Variants in LIFR observed in about 807,000 individuals in gnomAD.
The protein encoded by LIFR is LIF receptor subunit alpha, also known as leukemia inhibitory factor receptor.
In LIFR, 84 loss-of-function variants were observed where a neutral mutation model predicts 122.2. That is an observed-to-expected ratio of 0.69 (90% CI 0.58 to 0.82). The LOEUF (loss-of-function observed/expected upper bound fraction) is 0.82. Ranked by LOEUF, LIFR falls within the 40% of genes least tolerant of loss-of-function variation. The pLI is 0.00. For synonymous variants in LIFR, 422 were observed against 434.7 expected, an observed-to-expected ratio of 0.97 and a Z score of 0.36; for missense variants, 1,294 against 1,311.6, an observed-to-expected ratio of 0.99 and a Z score of 0.21.
chr5:38,573,588 C>T lies in LIFR; in HGVS notation c.-20+21673G>A, dbSNP rs972220602. On this transcript the variant is annotated intron_variant, in intron 1 of 19. Coordinates refer to the LIFR transcript ENST00000263409. ...AGAATTTCTTTTGCCAGCGTGTTGA[C>T]CTTGTAAGTTACTGTTTATGCATTC... Among the ~76,000 whole-genome samples the T allele has an allele frequency of 3.3e-5, 5 of 152,224 alleles. No homozygotes were observed. The South Asian group carries it at 8.3e-4, about 25-fold the overall frequency.
At chr5:38,558,636 T>G (rs1326818600), upstream of LIFR, 2 of 152,128 alleles carry the variant, frequency 1.3e-5, no homozygotes, top group Non-Finnish European at 2.9e-5. Flanking sequence ...AGGAAAGAGG[T>G]TTAATTGACT....
intron 1 of LIFR, among the ~76,000 whole-genome samples, chr5:38,548,222 T>C (rs1748004121): frequency 1.3e-5 from 2 of 152,148 alleles, no homozygotes; most frequent in African/African-American, 4.8e-5. Flanking sequence ...AGAAGATATA[T>C]AGTAGCAATT....
At chr5:38,566,020 A>T (rs1345958728) in intron 1 of LIFR, among the ~76,000 whole-genome samples, 1 of 152,124 alleles carries the variant, frequency 6.6e-6, no homozygotes, top group Non-Finnish European at 1.5e-5. Context: ...ACGTATTAAG[A>T]CTCTCAAAAC....
intron 1 of LIFR, among the ~76,000 whole-genome samples, chr5:38,543,609 C>G (rs551692525): frequency 1.4e-4 from 21 of 152,192 alleles, no homozygotes; most frequent in South Asian, 2.1e-4. Flanking sequence ...CAGGAGATAT[C>G]AGACAAGATT....
chr5:38,517,856 CAAAAAAAAA>C (rs572954936), intron 5 of LIFR, among the ~76,000 whole-genome samples: 1 of 15,044 alleles, frequency 6.6e-5, no homozygotes, highest in East Asian at 5.1e-3. Context: ...GACACTGTCT[CAAAAAAAAA>C]AAAAAAAAAA....
chr5:38,478,758 T>A lies in LIFR; in HGVS notation c.*2837A>T, dbSNP rs1341015935. The stretch of plus-strand genomic sequence containing the variant: ...AAGAGAGGTAAAAATGTGTCTTACA[T>A]GAATTACTATCCCACAGATATGATG... On this transcript the variant is annotated 3_prime_UTR_variant, in exon 20 of 20. Transcript: ENST00000453190. 1 of 217,454 alleles carries A rather than the reference T, an allele frequency of 4.6e-6. No homozygotes were observed. Among genetic ancestry groups the A allele is most frequent in the African/African-American group, 2.2e-5 (1 of 44,484 alleles). The allele number at this position is 217,454 out of a possible 1,614,324, so 13.5% of individuals were successfully genotyped here.
At chr5:38,524,712 T>TAA (rs1746584575) in intron 4 of LIFR, among the ~76,000 whole-genome samples, 1 of 152,078 alleles carries the variant, frequency 6.6e-6, no homozygotes, top group African/African-American at 2.4e-5. Flanking sequence ...GATGCAGACT[T>TAA]AAAAGGAACT....
At chr5:38,563,896 T>C (rs1748919860) in intron 1 of LIFR, among the ~76,000 whole-genome samples, 1 of 152,182 alleles carries the variant, frequency 6.6e-6, no homozygotes, top group African/African-American at 2.4e-5. Flanking sequence ...CTGCCACTTC[T>C]AGTTTCAGGA....
chr5:38,589,622 G>C (rs568258328), intron 1 of LIFR, among the ~76,000 whole-genome samples: 1 of 152,002 alleles, frequency 6.6e-6, no homozygotes, highest in African/African-American at 2.4e-5. Flanking sequence ...TTAAATAATA[G>C]TATATGGAAA....
intron 1 of LIFR, among the ~76,000 whole-genome samples, chr5:38,533,695 T>C (rs1338576175): frequency 1.3e-5 from 2 of 152,104 alleles, no homozygotes; most frequent in East Asian, 1.9e-4. Flanking sequence ...TCTATATACA[T>C]AAATATGGTG....
chr5:38,597,866 G>A (rs1020754597), upstream of LIFR, among the ~76,000 whole-genome samples: 1 of 152,194 alleles, frequency 6.6e-6, no homozygotes, highest in African/African-American at 2.4e-5. Flanking sequence ...TGGTTGTTGA[G>A]TGGGGGTGCA....
At position 38,510,635 on chromosome 5, in the gene LIFR, G is replaced by T. The variant is rs1356577191; in HGVS notation, c.820C>A (p.Gln274Lys). ...ATCAGTGCTGATAACACTTTTTCTT[G>T]ACTCACACAACAAAATGTTATGTCT... ...GSDITFCCVS[Q>K]EKVLSALIGH... Residue 274 changes from glutamine (Q) to lysine (K), a missense_variant, in exon 7 of 20, where the codon CAA (glutamine) becomes AAA (lysine). Transcript: ENST00000453190. 6.2e-7 allele frequency: 1 copy of T among 1,613,880 alleles called. No homozygotes were observed. Among genetic ancestry groups the T allele is most frequent in the Non-Finnish European group, 8.5e-7 (1 of 1,179,896 alleles).
chr5:38,492,998 C>A (rs575997122), intron 14 of LIFR, among the ~76,000 whole-genome samples: 1 of 152,182 alleles, frequency 6.6e-6, no homozygotes, highest in African/African-American at 2.4e-5. Flanking sequence ...GGACACTCAC[C>A]GGCAGCTCAC....
intron 11 of LIFR, among the ~76,000 whole-genome samples, chr5:38,500,068 TC>T (rs879275381): frequency 1.2e-4 from 18 of 152,136 alleles, no homozygotes; most frequent in Admixed American, 1.1e-3. Flanking sequence ...AAACTGCCAT[TC>T]CCTTCACCCC....
At chr5:38,485,655 A>G in intron 17 of LIFR, 164 bp downstream of exon 17, 1 of 679,150 alleles carries the variant, frequency 1.5e-6, no homozygotes, top group Non-Finnish European at 2.6e-6. Context: ...ATAAACATGA[A>G]GTAATCTTAC....
chr5:38,570,621 C>T (rs1490017602), intron 1 of LIFR, among the ~76,000 whole-genome samples: 15 of 152,062 alleles, frequency 9.9e-5, no homozygotes, highest in Admixed American at 9.2e-4. Context: ...GATTCATGGA[C>T]ACTTTAGAAC....
chr5:38,484,740 G>A, intron 18 of LIFR, 35 bp downstream of exon 18: 1 of 1,354,142 alleles, frequency 7.4e-7, no homozygotes, highest in South Asian at 1.2e-5. Context: ...ATGCCTTTAA[G>A]AAGAAAACAG....
At chr5:38,487,137 G>C (rs911842773) in intron 16 of LIFR, among the ~76,000 whole-genome samples, 1 of 152,102 alleles carries the variant, frequency 6.6e-6, no homozygotes, top group African/African-American at 2.4e-5. Context: ...ATGCCTTCAG[G>C]GCTGAGGCCC....
chr5:38,588,303 G>T (rs1240428588), intron 1 of LIFR, among the ~76,000 whole-genome samples: 1 of 152,130 alleles, frequency 6.6e-6, no homozygotes, highest in East Asian at 1.9e-4. Context: ...ACACAGTCAA[G>T]CAGGTTTTCT....
Sources: gnomAD v4.1 joint callset for allele counts (sites outside exome capture counted in the v4.1 genomes callset) on GRCh38, gnomAD v4.1.1 for gene constraint, MANE v1.5 for transcripts, NCBI Gene and HGNC (gene_info 2026-07-23, HGNC 2026-07-21) for gene names.